The following STK31 variants were observed in gnomAD, a reference collection of about 807,000 sequenced individuals.
STK31 encodes serine/threonine-protein kinase 31.
STK31 carries 89 observed loss-of-function variants against 129.7 expected under a neutral mutation model. The observed-to-expected ratio is 0.69, with a 90% CI of 0.58 to 0.82. STK31 has a LOEUF of 0.82. Among genes scored for constraint, STK31 ranks in the 40% least tolerant of loss-of-function variants. STK31 has a pLI of 0.00. For missense variants in STK31, 1,187 were observed against 1,176.4 expected (o/e 1.01, Z -0.13); for synonymous variants, 448 against 395.3 (o/e 1.13, Z -1.58).
At chr7:23,826,575 A>G (rs1198882189) in intron 23 of STK31, among the ~76,000 whole-genome samples, 17 of 152,262 alleles carry the variant, frequency 1.1e-4, no homozygotes, top group Non-Finnish European at 2.9e-5. Context: ...GTGCCTTTTA[A>G]TTGAAGCATT....
intron 11 of STK31, among the ~76,000 whole-genome samples, chr7:23,766,907 A>G (rs552647723): frequency 2.0e-5 from 3 of 152,314 alleles, no homozygotes; most frequent in Non-Finnish European, 4.4e-5. Flanking sequence ...TAAATAAATA[A>G]ATACAATCTT....
chr7:23,782,046 C>G (rs1287167941), intron 16 of STK31, among the ~76,000 whole-genome samples: 1 of 152,136 alleles, frequency 6.6e-6, no homozygotes, highest in Non-Finnish European at 1.5e-5. Context: ...TTTTAAGTCT[C>G]TATTTTTACC....
intron 6 of STK31, 108 bp from the exon 7 acceptor site, chr7:23,735,430 T>C: frequency 2.1e-6 from 2 of 971,934 alleles, no homozygotes; most frequent in Non-Finnish European, 3.1e-6. Flanking sequence ...CAAAGTAATA[T>C]AGAGATTTTA....
chr7:23,721,553 C>G (rs889245111), intron 4 of STK31: 2 of 918,136 alleles, frequency 2.2e-6, no homozygotes, highest in Non-Finnish European at 1.8e-6. Flanking sequence ...TTTTTTTTTC[C>G]TTTTGGGTGG....
rs192345550 is a variant in STK31 at position 23,775,151 on chromosome 7, A to G, written c.1965+2873A>G. Among the ~76,000 whole-genome samples, 473 of 152,156 alleles carry G rather than the reference A, an allele frequency of 3.1e-3. 2 individuals carry two copies. The highest frequency in any genetic ancestry group is 4.9e-3 in the Non-Finnish European group (335 of 67,978). ...GATCAGATGGTTGTAGATGTGTGAC[A>G]TTATTTCTGAGGCCTCTTTGTGTTC... is the stretch of plus-strand genomic sequence containing the variant. On this transcript the variant is annotated intron_variant, in intron 15 of 23. Coordinates refer to ENST00000355870, the MANE Select transcript of STK31 (RefSeq NM_031414.5).
chr7:23,753,138 G>T (rs1036844284), intron 9 of STK31, among the ~76,000 whole-genome samples: 3 of 152,148 alleles, frequency 2.0e-5, no homozygotes, highest in Non-Finnish European at 4.4e-5. Flanking sequence ...TTTGCTTGGG[G>T]TTATTTTCAG....
intron 4 of STK31, among the ~76,000 whole-genome samples, chr7:23,723,661 A>G (rs10950957): frequency 0.77 from 116,889 of 152,034 alleles, 45,853 homozygotes; most frequent in South Asian, 0.9. Context: ...CACCATGTAG[A>G]AGGGTCATAG....
intron 15 of STK31, among the ~76,000 whole-genome samples, chr7:23,778,730 G>A (rs375867580): frequency 1.3e-5 from 2 of 151,804 alleles, no homozygotes; most frequent in Admixed American, 6.6e-5. Flanking sequence ...TTAGCAATTC[G>A]TCTAACCTTT....
chr7:23,734,458 A>C (rs1205591153), intron 6 of STK31, among the ~76,000 whole-genome samples: 1 of 152,250 alleles, frequency 6.6e-6, no homozygotes, highest in Non-Finnish European at 1.5e-5. Flanking sequence ...ATTGTGTCAA[A>C]GTAATTTTAG....
intron 11 of STK31, 49 bp from the exon 12 acceptor site, chr7:23,768,946 C>G: frequency 2.8e-6 from 4 of 1,448,872 alleles, no homozygotes; most frequent in Non-Finnish European, 3.7e-6. Flanking sequence ...GTGCTCGAAT[C>G]CTGAATTAGT....
chr7:23,753,917 G>A (rs2128093689), intron 9 of STK31, among the ~76,000 whole-genome samples: 1 of 152,146 alleles, frequency 6.6e-6, no homozygotes, highest in South Asian at 2.1e-4. Flanking sequence ...GATACTATGG[G>A]TTTCTTATAT....
chr7:23,827,966 G>A (rs1052525234), intron 23 of STK31, among the ~76,000 whole-genome samples: 1 of 152,182 alleles, frequency 6.6e-6, no homozygotes. Flanking sequence ...TTTTGTCTCA[G>A]AGGAGTACCC....
intron 22 of STK31, among the ~76,000 whole-genome samples, chr7:23,808,770 C>A (rs985583983): frequency 2.6e-5 from 4 of 152,226 alleles, no homozygotes; most frequent in African/African-American, 9.6e-5. Context: ...CTGGGTAGGG[C>A]TGAAAGTCCA....
chr7:23,764,948 T>C (rs1744865034), intron 11 of STK31, among the ~76,000 whole-genome samples: 1 of 83,640 alleles, frequency 1.2e-5, no homozygotes, highest in South Asian at 5.1e-4. Context: ...ATTTTTTCAC[T>C]TAGATTTTAA....
chr7:23,735,501 T>C (rs2128079790), intron 6 of STK31, 37 bp from the exon 7 acceptor site: 2 of 1,499,458 alleles, frequency 1.3e-6, no homozygotes, highest in East Asian at 2.3e-5. Context: ...AAGAGAAACA[T>C]GTTGGTGTAG....
chr7:23,739,612 A>G (rs1419130414), intron 8 of STK31, among the ~76,000 whole-genome samples: 1 of 152,186 alleles, frequency 6.6e-6, no homozygotes, highest in African/African-American at 2.4e-5. Context: ...TTGGGGTTTT[A>G]CATTTAAGTC....
rs3034048 is a variant in STK31, at chr7:23,830,592, T to TTGTGTGTGTGTGTGTGTGTGTG, written c.2830-1528_2830-1507dup. Among the ~76,000 whole-genome samples the TTGTGTGTGTGTGTGTGTGTGTG allele has an allele frequency of 3.8e-4, 54 of 142,240 alleles. 1 individual carries two copies. The highest frequency in any genetic ancestry group is 1.1e-3 in the African/African-American group (41 of 37,102). The allele number at this position is 142,240 out of a possible 152,430, so 93.3% of individuals were successfully genotyped here. On this transcript the variant is annotated intron_variant, in intron 23 of 23. Coordinates refer to ENST00000355870, the MANE Select transcript of STK31 (RefSeq NM_031414.5). ...AGCAGCACGTTGTTTAATTTCCATG[T>TTGTGTGTGTGTGTGTGTGTGTG]TGTGTGTGTGTGTGTGTGTGTGTGT...
intron 16 of STK31, among the ~76,000 whole-genome samples, chr7:23,781,980 T>C (rs764420153): frequency 3.9e-5 from 6 of 152,194 alleles, no homozygotes; most frequent in Non-Finnish European, 8.8e-5. Context: ...CATAATTTAG[T>C]TGAAGAATGT....
At chr7:23,756,918 C>T (rs1035665537) in intron 10 of STK31, among the ~76,000 whole-genome samples, 8 of 152,080 alleles carry the variant, frequency 5.3e-5, no homozygotes, top group Non-Finnish European at 8.8e-5. Context: ...ATTTTCGCAT[C>T]GATGTTCATC....
Sources: allele counts gnomAD v4.1 joint callset (sites outside exome capture counted in the v4.1 genomes callset), GRCh38; gene constraint gnomAD v4.1.1; transcripts MANE v1.5; gene names NCBI Gene and HGNC (gene_info 2026-07-23, HGNC 2026-07-21).